The following FAM13B variants were observed in gnomAD, a reference collection of about 807,000 sequenced individuals.
FAM13B encodes family with sequence similarity 13 member B, also known as protein FAM13B.
Under a neutral mutation model 117.3 loss-of-function variants are expected in FAM13B, and 60 were observed. The ratio of observed to expected loss-of-function variants is 0.51; its 90% CI spans 0.42 to 0.63. The LOEUF is 0.63. Ranked by LOEUF, FAM13B falls within the 30% of genes least tolerant of loss-of-function variation. The pLI is 0.00. For synonymous variants in FAM13B, 332 were observed against 356.1 expected (o/e 0.93, Z 0.76); for missense variants, 972 against 1,091.9 (o/e 0.89, Z 1.55).
chr5:137,956,448 A>AG (rs1325863976), intron 14 of FAM13B, 29 bp downstream of exon 14: 1 of 1,528,094 alleles, frequency 6.5e-7, no homozygotes, highest in South Asian at 1.3e-5. Flanking sequence ...AAAAGGCAAA[A>AG]AAACTAAACT....
intron 19 of FAM13B, 72 bp downstream of exon 19, chr5:137,946,156 G>C: frequency 7.2e-7 from 1 of 1,386,428 alleles, no homozygotes; most frequent in Non-Finnish European, 1.0e-6. Flanking sequence ...CCTGAAGAAT[G>C]TAGGCCACAA....
rs200738808 is a variant in FAM13B, at chr5:137,975,677, AT to A, written c.1179+9579del. ...CCCAAAACACCTCTCGCTTAAAAAA[AT>A]ATTCTATATATCCCCTTTTACTGAA... is the stretch of plus-strand genomic sequence containing the variant. On this transcript the variant is annotated intron_variant, in intron 10 of 23. Coordinates refer to ENST00000689681, the MANE Select transcript of FAM13B (RefSeq NM_001385994.1). Among the ~76,000 whole-genome samples the A allele has an allele frequency of 9.9e-3, 1,515 of 152,280 alleles. 28 individuals are homozygous for A. Among genetic ancestry groups the A allele is most frequent in the African/African-American group, 0.034 (1,420 of 41,532 alleles).
At chr5:138,002,825 C>T (rs1009890301) in intron 7 of FAM13B, among the ~76,000 whole-genome samples, 5 of 145,794 alleles carry the variant, frequency 3.4e-5, no homozygotes, top group Non-Finnish European at 3.0e-5. Context: ...GCCACCACAC[C>T]CGGCTAATTT....
At chr5:138,043,911 A>AG in intron 1 of FAM13B, among the ~76,000 whole-genome samples, 1 of 151,574 alleles carries the variant, frequency 6.6e-6, no homozygotes, top group Non-Finnish European at 1.5e-5. Context: ...CACAATGAAA[A>AG]GGGGGGTATT....
chr5:137,942,932 T>C lies in FAM13B; in HGVS notation c.2531A>G (p.Glu844Gly). Reference sequence around the variant, plus strand: ...ATCCAGAGCCAGTTTTTCTTGATTTTCTTCAACATCAGATTCAGAGTTTTC... The same window carrying C: ...ATCCAGAGCCAGTTTTTCTTGATTTCCTTCAACATCAGATTCAGAGTTTTC... Reference protein sequence around the residue: ...SLENSESDVEENQEKLALDLR... With the variant: ...SLENSESDVEGNQEKLALDLR... The change falls in exon 22 of 24, where the codon GAA (glutamate) becomes GGA (glycine). Residue 844 changes from glutamate (E) to glycine (G), a missense_variant. Physicochemically the swap from Glu to Gly is moderately conservative, Grantham distance 98. Coordinates refer to ENST00000689681, the MANE Select transcript of FAM13B (RefSeq NM_001385994.1). 6.2e-7 allele frequency: 1 copy of C among 1,613,812 alleles called. No individual in the cohort carries two copies.
At position 138,023,261 on chromosome 5, in the gene FAM13B, C is replaced by T. The variant is rs533967469; in HGVS notation, c.-202-2064G>A. The stretch of plus-strand genomic sequence containing the variant: ...CTAGGAAAACAATCGGAGGCATCAA[C>T]CTTTCTGACGACAAGTTTCTCTTTC... On this transcript the variant is annotated intron_variant, in intron 1 of 23. Transcript: ENST00000689681. Among the ~76,000 whole-genome samples the T allele has an allele frequency of 2.0e-5, 3 of 152,298 alleles. No individual in the cohort carries two copies. The South Asian group carries it at 6.2e-4, about 32-fold the overall frequency.
chr5:138,048,098 A>T (rs1209383857), intron 1 of FAM13B, among the ~76,000 whole-genome samples: 1 of 152,222 alleles, frequency 6.6e-6, no homozygotes, highest in Non-Finnish European at 1.5e-5. Flanking sequence ...ATCCAAAAAA[A>T]CAAAAAACAA....
At chr5:137,989,835 G>T (rs1232907370) in intron 7 of FAM13B, among the ~76,000 whole-genome samples, 1 of 151,794 alleles carries the variant, frequency 6.6e-6, no homozygotes, top group Non-Finnish European at 1.5e-5. Context: ...AAAAAAGAAA[G>T]AAAAATAAAA....
chr5:138,005,253 A>G (rs1782260464), intron 7 of FAM13B, among the ~76,000 whole-genome samples: 2 of 152,088 alleles, frequency 1.3e-5, no homozygotes, highest in Non-Finnish European at 2.9e-5. Context: ...ATAGTAATAA[A>G]TTAATTAATT....
intron 11 of FAM13B, among the ~76,000 whole-genome samples, chr5:137,962,090 T>A (rs1338618433): frequency 1.3e-5 from 2 of 152,212 alleles, no homozygotes; most frequent in Admixed American, 1.3e-4. Flanking sequence ...ATGAATTAAC[T>A]CACTGACAGG....
intron 1 of FAM13B, among the ~76,000 whole-genome samples, chr5:138,021,798 T>A (rs1786802268): frequency 6.6e-6 from 1 of 152,144 alleles, no homozygotes; most frequent in African/African-American, 2.4e-5. Flanking sequence ...TCTCTGAGCC[T>A]AGGTTTCTTT....
At chr5:137,960,083 T>A (rs1767723822) in intron 12 of FAM13B, 83 bp downstream of exon 12, 2 of 849,856 alleles carry the variant, frequency 2.4e-6, no homozygotes, top group Non-Finnish European at 3.8e-6. Context: ...TCTTTAAACC[T>A]AGCTAACCCA....
At chr5:137,967,660 A>C (rs1312100731) in intron 10 of FAM13B, among the ~76,000 whole-genome samples, 1 of 152,092 alleles carries the variant, frequency 6.6e-6, no homozygotes, top group East Asian at 1.9e-4. Flanking sequence ...TCAGAGGCTG[A>C]GGTGGGAGAA....
At chr5:137,963,720 T>C (rs1328652665) in intron 10 of FAM13B, among the ~76,000 whole-genome samples, 1 of 151,816 alleles carries the variant, frequency 6.6e-6, no homozygotes, top group African/African-American at 2.4e-5. Flanking sequence ...GCTGGGGGAG[T>C]GGGGAGTGAG....
chr5:138,008,504 T>C (rs921940797), intron 6 of FAM13B, among the ~76,000 whole-genome samples: 2 of 152,184 alleles, frequency 1.3e-5, no homozygotes, highest in African/African-American at 4.8e-5. Flanking sequence ...AATACCTATA[T>C]TCACACATCC....
chr5:138,012,023 C>G, intron 4 of FAM13B, 78 bp from the exon 5 acceptor site: 1 of 933,918 alleles, frequency 1.1e-6, no homozygotes, highest in Non-Finnish European at 1.6e-6. Flanking sequence ...TCACATTACT[C>G]CACCCACATC....
rs1183073478 is a variant in FAM13B at position 137,940,054 on chromosome 5, G to C, written c.*171C>G. 6.2e-7 allele frequency: 1 copy of C among 1,613,936 alleles called. No individual in the cohort carries two copies. The highest frequency in any genetic ancestry group is 2.2e-5 in the East Asian group (1 of 44,860). ...GAACATCACTTACGCTCCCTTGAGA[G>C]GGCCTACTTACTCTCCCATCATTTG... On this transcript the variant is annotated 3_prime_UTR_variant, in exon 24 of 24. Coordinates refer to ENST00000689681, the MANE Select transcript of FAM13B (RefSeq NM_001385994.1).
chr5:138,000,914 A>G (rs1442059065), intron 7 of FAM13B, among the ~76,000 whole-genome samples: 1 of 145,860 alleles, frequency 6.9e-6, no homozygotes, highest in African/African-American at 2.5e-5. Flanking sequence ...TGGGCGACAG[A>G]GCAAGACACT....
intron 1 of FAM13B, among the ~76,000 whole-genome samples, chr5:138,047,295 G>A (rs888282431): frequency 2.0e-5 from 3 of 150,994 alleles, no homozygotes; most frequent in African/African-American, 4.9e-5. Flanking sequence ...TCATGAGGTC[G>A]GGATATCAAG....
Sources: allele counts gnomAD v4.1 joint callset (sites outside exome capture counted in the v4.1 genomes callset), GRCh38; gene constraint gnomAD v4.1.1; transcripts MANE v1.5; gene names NCBI Gene and HGNC (gene_info 2026-07-23, HGNC 2026-07-21).